Variants in LARGE1 observed in about 807,000 individuals in gnomAD.
LARGE1 encodes the protein LARGE xylosyl- and glucuronyltransferase 1.
In LARGE1, 43 loss-of-function variants were observed where a neutral mutation model predicts 87.6. The observed-to-expected ratio is 0.49, with a 90% CI of 0.38 to 0.63. LARGE1 has a LOEUF of 0.63. Among genes scored for constraint, LARGE1 ranks in the 30% least tolerant of loss-of-function variants. The probability of loss-of-function intolerance (pLI) is 0.00; values close to 1 mark genes in which losing one functional copy is unlikely to be tolerated. For missense variants in LARGE1, 802 were observed against 1,000.2 expected (o/e 0.80, Z 2.67); for synonymous variants, 434 against 394.6 (o/e 1.10, Z -1.18).
chr22:33,624,167 C>T (rs1004541914), intron 4 of LARGE1, among the ~76,000 whole-genome samples: 18 of 152,246 alleles, frequency 1.2e-4, no homozygotes, highest in Middle Eastern at 3.4e-3. Context: ...TATATCTTCA[C>T]GTTCTTTATT....
chr22:33,339,626 A>G, intron 9 of LARGE1, among the ~76,000 whole-genome samples: 1 of 152,146 alleles, frequency 6.6e-6, no homozygotes, highest in African/African-American at 2.4e-5. Context: ...CCTTGTAGAC[A>G]GTTTGATTGG....
intron 7 of LARGE1, among the ~76,000 whole-genome samples, chr22:33,410,343 G>A (rs995002980): frequency 1.3e-4 from 20 of 152,066 alleles, no homozygotes; most frequent in African/African-American, 4.3e-4. Flanking sequence ...TGTGTCCCCA[G>A]CCAAATCGCA....
At chr22:33,421,457 T>C (rs1230472301) in intron 7 of LARGE1, among the ~76,000 whole-genome samples, 1 of 152,188 alleles carries the variant, frequency 6.6e-6, no homozygotes, top group Non-Finnish European at 1.5e-5. Context: ...AACTCCAGAA[T>C]ACAAGCAATA....
intron 1 of LARGE1, among the ~76,000 whole-genome samples, chr22:33,801,345 C>T (rs781535321): frequency 1.3e-5 from 2 of 152,202 alleles, no homozygotes; most frequent in African/African-American, 2.4e-5. Flanking sequence ...ACCAAAGACA[C>T]AGTTTCTCTG....
the LARGE1 span, among the ~76,000 whole-genome samples, chr22:33,141,083 C>T: frequency 6.6e-6 from 1 of 151,948 alleles, no homozygotes; most frequent in Non-Finnish European, 1.5e-5. Context: ...TCTTTGCCCA[C>T]AAATATTAAC....
At chr22:33,435,362 C>T (rs16992339) in intron 6 of LARGE1, among the ~76,000 whole-genome samples, 4,118 of 152,276 alleles carry the variant, frequency 0.027, 164 homozygotes, top group African/African-American at 0.094. Flanking sequence ...TGGCAATATT[C>T]AGGCACCCAC....
At chr22:33,371,668 C>G (rs138191804) in intron 9 of LARGE1, among the ~76,000 whole-genome samples, 1,880 of 152,208 alleles carry the variant, frequency 0.012, 18 homozygotes, top group Non-Finnish European at 0.021. Context: ...TGTTAAAAAT[C>G]AGTAAATTAG....
At position 33,324,295 on chromosome 22, in the gene LARGE1, ACC is replaced by A. The variant is rs34198548; in HGVS notation, c.1288-8049_1288-8048del. Among the ~76,000 whole-genome samples, 663 of 104,236 alleles carry A rather than the reference ACC, an allele frequency of 6.4e-3. 10 individuals carry two copies. The highest frequency in any genetic ancestry group is 0.024 in the African/African-American group (622 of 25,836). 68.4% of individuals were successfully genotyped at this position (104,236 alleles called of 152,430 possible). ...AAAAACAAAAAGCCAAAAACAAACA[ACC>A]CCCCCCCCAAAACAAACAACAAAAA... On this transcript the variant is annotated intron_variant, in intron 10 of 14. Transcript: ENST00000397394.
intron 6 of LARGE1, among the ~76,000 whole-genome samples, chr22:33,520,345 G>C (rs2071521772): frequency 6.6e-6 from 1 of 152,146 alleles, no homozygotes; most frequent in African/African-American, 2.4e-5. Context: ...CAAAGCGCTA[G>C]GATTACAGGC....
chr22:33,764,270 A>G (rs1282822525), intron 1 of LARGE1, among the ~76,000 whole-genome samples: 1 of 152,024 alleles, frequency 6.6e-6, no homozygotes, highest in Admixed American at 6.6e-5. Flanking sequence ...TGAAGGATCC[A>G]CCTACTCAAT....
intron 7 of LARGE1, among the ~76,000 whole-genome samples, chr22:33,390,995 C>T (rs2065499597): frequency 6.6e-6 from 1 of 152,156 alleles, no homozygotes; most frequent in South Asian, 2.1e-4. Flanking sequence ...CCACACCCAG[C>T]TAATTTTTTG....
chr22:33,087,832 G>C, the LARGE1 span, among the ~76,000 whole-genome samples: 4 of 152,150 alleles, frequency 2.6e-5, no homozygotes, highest in Non-Finnish European at 4.4e-5. Flanking sequence ...CTACTCGGGA[G>C]GCTGAGGCAG....
At chr22:33,145,483 T>G in the LARGE1 span, among the ~76,000 whole-genome samples, 33 of 152,324 alleles carry the variant, frequency 2.2e-4, 1 homozygote, top group African/African-American at 7.9e-4. Flanking sequence ...TCATGAGGAA[T>G]GGTATCCAGG....
chr22:33,166,571 C>A, exon 12 of LARGE1: 1 of 357,916 alleles, frequency 2.8e-6, no homozygotes, highest in Non-Finnish European at 5.5e-6. Flanking sequence ...TGTTCACCTG[C>A]CATGTACTAC....
chr22:33,213,516 T>A (rs887715488), intron 11 of LARGE1, among the ~76,000 whole-genome samples: 45 of 152,288 alleles, frequency 3.0e-4, no homozygotes, highest in African/African-American at 1.1e-3. Context: ...TTCATTGTTG[T>A]CTTATTTTAA....
chr22:33,440,076 T>A (rs1447706054), intron 6 of LARGE1, among the ~76,000 whole-genome samples: 1 of 152,212 alleles, frequency 6.6e-6, no homozygotes, highest in African/African-American at 2.4e-5. Context: ...TGCCATTCCA[T>A]TCTGCCTACC....
intron 6 of LARGE1, among the ~76,000 whole-genome samples, chr22:33,432,976 C>T (rs898797669): frequency 1.3e-5 from 2 of 152,212 alleles, no homozygotes; most frequent in Admixed American, 1.3e-4. Flanking sequence ...TCAGTCTCTG[C>T]TGCATCTTAG....
intron 6 of LARGE1, among the ~76,000 whole-genome samples, chr22:33,480,965 T>G (rs1270422211): frequency 6.6e-6 from 1 of 152,178 alleles, no homozygotes; most frequent in Admixed American, 6.6e-5. Context: ...AACTTAAATT[T>G]AAATTTATCT....
chr22:33,142,773 C>T, the LARGE1 span, among the ~76,000 whole-genome samples: 8 of 152,134 alleles, frequency 5.3e-5, no homozygotes, highest in African/African-American at 1.4e-4. Context: ...CATCACTCAA[C>T]GATTTTCAAA....
Sources: gnomAD v4.1 joint callset for allele counts (sites outside exome capture counted in the v4.1 genomes callset) on GRCh38, gnomAD v4.1.1 for gene constraint, MANE v1.5 for transcripts, NCBI Gene and HGNC (gene_info 2026-07-23, HGNC 2026-07-21) for gene names.